IMMP1L: variants seen among roughly 807,000 people sequenced by gnomAD.
The protein encoded by IMMP1L is inner mitochondrial membrane peptidase subunit 1.
IMMP1L carries 24 observed loss-of-function variants against 21.8 expected under a neutral mutation model. The observed-to-expected ratio is 1.10, with a 90% CI of 0.80 to 1.55. The LOEUF (loss-of-function observed/expected upper bound fraction) is 1.55, where lower values mean the gene tolerates loss of function less well. IMMP1L is among the 40% of genes most tolerant of loss of function. IMMP1L has a pLI of 0.00. For synonymous variants in IMMP1L, 46 were observed against 62.8 expected (o/e 0.73, Z 1.26); for missense variants, 195 against 200.7 (o/e 0.97, Z 0.17).
intron 4 of IMMP1L, chr11:31,437,006 A>C (rs1488491759): frequency 3.9e-6 from 1 of 257,616 alleles, no homozygotes; most frequent in African/African-American, 2.2e-5. Context: ...CAAATCAAGG[A>C]AACAGCTTCA....
intron 1 of IMMP1L, among the ~76,000 whole-genome samples, chr11:31,502,693 T>C (rs1955659602): frequency 1.3e-5 from 2 of 152,242 alleles, no homozygotes; most frequent in South Asian, 2.1e-4. Context: ...AGTAGCTTTA[T>C]GTCTATGAGA....
intron 4 of IMMP1L, among the ~76,000 whole-genome samples, chr11:31,446,829 C>T (rs1953539344): frequency 6.6e-6 from 1 of 152,210 alleles, no homozygotes. Flanking sequence ...TTCTATTATA[C>T]TATACTGTAA....
chr11:31,444,666 T>C (rs1953455851), intron 4 of IMMP1L, among the ~76,000 whole-genome samples: 1 of 151,264 alleles, frequency 6.6e-6, no homozygotes, highest in Non-Finnish European at 1.5e-5. Flanking sequence ...CTTGGCTCAC[T>C]GCAACCTCTG....
At chr11:31,468,314 A>G (rs1954430572) in intron 1 of IMMP1L, among the ~76,000 whole-genome samples, 1 of 152,194 alleles carries the variant, frequency 6.6e-6, no homozygotes, top group Admixed American at 6.5e-5. Flanking sequence ...GAAAAATGCT[A>G]TGACTGCAAC....
intron 1 of IMMP1L, among the ~76,000 whole-genome samples, chr11:31,480,104 G>T (rs1010755906): frequency 2.0e-5 from 3 of 152,002 alleles, no homozygotes; most frequent in Non-Finnish European, 4.4e-5. Flanking sequence ...TGAGGTCTGT[G>T]TTACTCCCTC....
At chr11:31,444,588 CTTTTTTT>C (rs1219601245) in intron 4 of IMMP1L, among the ~76,000 whole-genome samples, 1 of 130,420 alleles carries the variant, frequency 7.7e-6, no homozygotes, top group Non-Finnish European at 1.7e-5. Flanking sequence ...CATTTCTATT[CTTTTTTT>C]TTTTTTTTTT....
intron 2 of IMMP1L, among the ~76,000 whole-genome samples, chr11:31,461,331 C>G (rs1229827406): frequency 2.0e-5 from 3 of 152,144 alleles, no homozygotes; most frequent in Non-Finnish European, 4.4e-5. Flanking sequence ...TGGCTCACAC[C>G]TGTAATCCCA....
intron 1 of IMMP1L, among the ~76,000 whole-genome samples, chr11:31,467,860 C>T (rs1954413521): frequency 6.6e-6 from 1 of 150,560 alleles, no homozygotes; most frequent in Non-Finnish European, 1.5e-5. Context: ...AACACAATGA[C>T]CAAATTTAGC....
intron 1 of IMMP1L, among the ~76,000 whole-genome samples, chr11:31,494,270 C>T (rs968163020): frequency 1.3e-5 from 2 of 152,254 alleles, no homozygotes; most frequent in African/African-American, 4.8e-5. Flanking sequence ...TACTGACTTA[C>T]GTGCACCCAC....
At chr11:31,449,188 C>T (rs192355351) in intron 4 of IMMP1L, 1 of 532,742 alleles carries the variant, frequency 1.9e-6, no homozygotes, top group Admixed American at 6.4e-5. Flanking sequence ...TTTAGTATAT[C>T]AGCAGCTTAT....
chr11:31,461,770 CA>C (rs1165731876), intron 2 of IMMP1L, among the ~76,000 whole-genome samples: 1 of 151,898 alleles, frequency 6.6e-6, no homozygotes, highest in Non-Finnish European at 1.5e-5. Flanking sequence ...TTCCAAAATC[CA>C]AAAAAATCTA....
intron 3 of IMMP1L, among the ~76,000 whole-genome samples, chr11:31,459,474 A>C (rs1269981464): frequency 6.6e-6 from 1 of 152,214 alleles, no homozygotes; most frequent in South Asian, 2.1e-4. Context: ...GGTATCAGAG[A>C]GGTGCTCTTT....
At chr11:31,463,344 T>C in intron 1 of IMMP1L, 39 bp from the exon 2 acceptor site, 3 of 1,512,100 alleles carry the variant, frequency 2.0e-6, no homozygotes, top group Non-Finnish European at 1.8e-6. Flanking sequence ...ATCAATACTA[T>C]TTAAAAACAC....
At chr11:31,487,953 T>C (rs1464729757) in intron 1 of IMMP1L, among the ~76,000 whole-genome samples, 1 of 152,182 alleles carries the variant, frequency 6.6e-6, no homozygotes, top group Admixed American at 6.5e-5. Context: ...TTTTTGTGAA[T>C]GTAGCCAAAG....
intron 4 of IMMP1L, among the ~76,000 whole-genome samples, chr11:31,439,273 AT>A (rs141658750): frequency 1.9e-4 from 28 of 150,106 alleles, no homozygotes; most frequent in African/African-American, 6.1e-4. Flanking sequence ...TGGGTTACTC[AT>A]TTTTTTTTCT....
intron 1 of IMMP1L, among the ~76,000 whole-genome samples, chr11:31,491,540 C>A (rs1955257128): frequency 6.6e-6 from 1 of 152,116 alleles, no homozygotes; most frequent in Admixed American, 6.5e-5. Flanking sequence ...GATTTCCAAG[C>A]AAAGTGTTAA....
chr11:31,457,635 G>A (rs748281838), intron 3 of IMMP1L, among the ~76,000 whole-genome samples: 5 of 152,094 alleles, frequency 3.3e-5, no homozygotes, highest in South Asian at 2.1e-4. Context: ...CAAGTCAGAA[G>A]AAATTAAGAC....
intron 4 of IMMP1L, among the ~76,000 whole-genome samples, chr11:31,440,889 A>C (rs1953303856): frequency 1.3e-5 from 2 of 152,174 alleles, no homozygotes; most frequent in Non-Finnish European, 2.9e-5. Flanking sequence ...ATGTACAAAC[A>C]AGGAAATTCA....
intron 4 of IMMP1L, chr11:31,437,131 G>A (rs1953151524): frequency 2.2e-6 from 1 of 447,266 alleles, no homozygotes; most frequent in Non-Finnish European, 4.5e-6. Flanking sequence ...TAAGTTGCAG[G>A]TTGAGTATCT....
Sources: gnomAD v4.1 joint callset for allele counts (sites outside exome capture counted in the v4.1 genomes callset) on GRCh38, gnomAD v4.1.1 for gene constraint, MANE v1.5 for transcripts, NCBI Gene and HGNC (gene_info 2026-07-23, HGNC 2026-07-21) for gene names.